Variants in CDKL3 observed in about 807,000 individuals in gnomAD.
The protein encoded by CDKL3 is cyclin dependent kinase like 3.
CDKL3 carries 65 observed loss-of-function variants against 69.3 expected under a neutral mutation model. That is an observed-to-expected ratio of 0.94 (90% confidence interval 0.77 to 1.15). The LOEUF (loss-of-function observed/expected upper bound fraction) is 1.15. Among genes scored for constraint, CDKL3 ranks in the 50% most tolerant of loss-of-function variants. The pLI is 0.00. For synonymous variants in CDKL3, 202 were observed against 221.6 expected, an observed-to-expected ratio of 0.91 and a Z score of 0.79; for missense variants, 652 against 689.2, an observed-to-expected ratio of 0.95 and a Z score of 0.61.
chr5:134,289,805 A>C (rs1765043398), intron 8 of CDKL3, among the ~76,000 whole-genome samples: 1 of 152,196 alleles, frequency 6.6e-6, no homozygotes, highest in Admixed American at 6.6e-5. Context: ...CATACAGACC[A>C]TGTAACAGCT....
At position 134,350,291 on chromosome 5, in the gene CDKL3, T is replaced by C; in HGVS notation, c.497A>G (p.Tyr166Cys). 6.3e-7 allele frequency: 1 copy of C among 1,592,190 alleles called. No homozygotes were observed. The highest frequency in any genetic ancestry group is 1.3e-5 in the African/African-American group (1 of 74,700). The change falls in exon 4 of 13, where the codon TAT (tyrosine) becomes TGT (cysteine). Residue 166 changes from tyrosine (Y) to cysteine (C), a missense_variant. Transcript: ENST00000265334. ...TTTTAATACTAATTCGGGAGCTCTA[T>C]ACCAGCGTGTGGCCACATAGTCCGT... is the stretch of plus-strand genomic sequence containing the variant. ...IYTDYVATRW[Y>C]RAPELVLKDT...
At chr5:134,363,428 G>A (rs1756543031) in intron 2 of CDKL3, among the ~76,000 whole-genome samples, 1 of 150,894 alleles carries the variant, frequency 6.6e-6, no homozygotes, top group Non-Finnish European at 1.5e-5. Flanking sequence ...TGTGTAGCTG[G>A]GATTACAGGC....
chr5:134,360,041 T>C lies in CDKL3; in HGVS notation c.216A>G (p.Lys72=). Residue 72 remains lysine, a synonymous_variant, in exon 3 of 13, where the codon AAA becomes AAG. Transcript: ENST00000265334. ...LVNLIEVFRQ[K]KKIHLVFEFI... ...ATTCAAATACCAAATGAATTTTCTT[T>C]TTCTGTCTAAAAACTTCAATCAGAT... The C allele has an allele frequency of 6.4e-7, 1 of 1,553,044 alleles. No homozygotes were observed. The highest frequency in any genetic ancestry group is 8.7e-7 in the Non-Finnish European group (1 of 1,148,060).
rs115998088 is a variant in CDKL3 at position 134,343,705 on chromosome 5, C to T, written c.539+6544G>A. Among the ~76,000 whole-genome samples, 726 of 152,194 alleles carry T rather than the reference C, an allele frequency of 4.8e-3. 7 individuals are homozygous for T. The highest frequency in any genetic ancestry group is 0.017 in the African/African-American group (690 of 41,542). On this transcript the variant is annotated intron_variant, in intron 4 of 12. Transcript: ENST00000265334. ...ACTGGCTTATCTGATCTCATGGCCG[C>T]CCCAGACCCAGGAAGTGATTCAGTG... is the stretch of plus-strand genomic sequence containing the variant.
chr5:134,314,918 G>T (rs1770599672), intron 6 of CDKL3, among the ~76,000 whole-genome samples: 2 of 151,888 alleles, frequency 1.3e-5, no homozygotes, highest in African/African-American at 4.8e-5. Context: ...TTGTGGTGGT[G>T]GTTTCATGTG....
Position 134,308,642 on chromosome 5 carries a change from C to A in CDKL3, c.967G>T (p.Glu323Ter), listed in dbSNP as rs1343666575. 2 of 1,609,522 alleles carry A rather than the reference C, an allele frequency of 1.2e-6. No homozygotes were observed. The highest frequency in any genetic ancestry group is 4.5e-5 in the East Asian group (2 of 44,750). Reference sequence around the variant, plus strand: ...GTTTTTCTTTCATCTTTCCTGAGTTCATTTTCTTTAGAACTCTCTTTTGGC... The same window carrying A: ...GTTTTTCTTTCATCTTTCCTGAGTTAATTTTCTTTAGAACTCTCTTTTGGC... The part of the protein sequence containing the change: ...IKPKESSKEN[E>*]LRKDERKTVY... Residue 323 changes from glutamate (E) to a stop codon, truncating the protein, a stop_gained, in exon 8 of 13, where the codon GAA becomes TAA. Transcript: ENST00000265334. LOFTEE classifies it high-confidence loss of function.
At chr5:134,289,932 T>G (rs1276704949) in intron 8 of CDKL3, among the ~76,000 whole-genome samples, 1 of 152,208 alleles carries the variant, frequency 6.6e-6, no homozygotes, top group Non-Finnish European at 1.5e-5. Context: ...CTGTTTTTTT[T>G]CCTCAAGTGA....
chr5:134,367,601 C>T (rs1029521976), upstream of CDKL3, among the ~76,000 whole-genome samples: 1 of 152,044 alleles, frequency 6.6e-6, no homozygotes, highest in Non-Finnish European at 1.5e-5. Flanking sequence ...CTCGAACTCC[C>T]AACATCAGGT....
At chr5:134,307,055 G>A (rs1187339385) in intron 9 of CDKL3, among the ~76,000 whole-genome samples, 9 of 151,994 alleles carry the variant, frequency 5.9e-5, no homozygotes, top group Non-Finnish European at 7.4e-5. Flanking sequence ...ATGCCCGGCC[G>A]AAATGCCTTT....
intron 4 of CDKL3, among the ~76,000 whole-genome samples, chr5:134,336,135 C>A (rs906358921): frequency 2.0e-5 from 3 of 152,108 alleles, no homozygotes; most frequent in African/African-American, 7.2e-5. Context: ...CTTGTGTATG[C>A]TTCATGAAGT....
At chr5:134,355,189 T>C (rs1754275391) in intron 3 of CDKL3, among the ~76,000 whole-genome samples, 1 of 138,558 alleles carries the variant, frequency 7.2e-6, no homozygotes, top group Admixed American at 8.1e-5. Context: ...GCTAAGATCA[T>C]GCCAATACAC....
intron 6 of CDKL3, among the ~76,000 whole-genome samples, chr5:134,315,758 G>A (rs536540075): frequency 5.3e-5 from 8 of 152,164 alleles, no homozygotes; most frequent in South Asian, 2.1e-4. Flanking sequence ...AGGCTGAGGC[G>A]GGAGGATTGG....
downstream of CDKL3, among the ~76,000 whole-genome samples, chr5:134,285,466 G>A (rs1050542047): frequency 7.2e-5 from 11 of 152,302 alleles, no homozygotes; most frequent in Admixed American, 7.2e-4. Context: ...CTCTACATTG[G>A]CCCCCTTCAG....
At chr5:134,292,931 G>A (rs1765181168) in intron 8 of CDKL3, among the ~76,000 whole-genome samples, 1 of 147,580 alleles carries the variant, frequency 6.8e-6, no homozygotes, top group African/African-American at 2.5e-5. Flanking sequence ...TAAATGTAAG[G>A]AAATTAAATT....
intron 8 of CDKL3, 54 bp from the exon 9 acceptor site, chr5:134,308,520 A>G: frequency 1.9e-6 from 3 of 1,552,574 alleles, no homozygotes; most frequent in Admixed American, 4.2e-5. Context: ...TTTTGTCATT[A>G]GAGTCTAACT....
At chr5:134,319,775 G>A (rs1180592775) in intron 5 of CDKL3, among the ~76,000 whole-genome samples, 2 of 152,168 alleles carry the variant, frequency 1.3e-5, no homozygotes, top group African/African-American at 4.8e-5. Flanking sequence ...AATATGTAAT[G>A]CTATCAGAAA....
intron 4 of CDKL3, among the ~76,000 whole-genome samples, chr5:134,339,080 G>A (rs931259326): frequency 2.6e-5 from 4 of 151,506 alleles, no homozygotes; most frequent in Admixed American, 6.6e-5. Context: ...GCTTGAACCC[G>A]GAGGCAGAAG....
downstream of CDKL3, among the ~76,000 whole-genome samples, chr5:134,295,764 T>C (rs1765318688): frequency 2.0e-5 from 3 of 152,220 alleles, no homozygotes; most frequent in African/African-American, 7.2e-5. Context: ...TTATTATTTT[T>C]TGAAGAACAG....
At chr5:134,367,181 C>A (rs1453002784), upstream of CDKL3, 1 of 985,530 alleles carries the variant, frequency 1.0e-6, no homozygotes, top group Non-Finnish European at 1.2e-6. Context: ...TAGACTCGTG[C>A]GCAAGACCGG....
Sources: gnomAD v4.1 joint callset for allele counts (sites outside exome capture counted in the v4.1 genomes callset) on GRCh38, gnomAD v4.1.1 for gene constraint, MANE v1.5 for transcripts, NCBI Gene and HGNC (gene_info 2026-07-23, HGNC 2026-07-21) for gene names.